Variants in ARHGEF28 observed in about 807,000 individuals in gnomAD.
The protein encoded by ARHGEF28 is 190 kDa guanine nucleotide exchange factor.
In ARHGEF28, 152 loss-of-function variants were observed where a neutral mutation model predicts 206.6. The observed-to-expected ratio is 0.74, with a 90% CI of 0.64 to 0.84. The LOEUF (loss-of-function observed/expected upper bound fraction) is 0.84. ARHGEF28 is among the 40% of genes least tolerant of loss of function. The pLI, the probability that ARHGEF28 is intolerant of heterozygous loss-of-function variation, is 0.00. For missense variants in ARHGEF28, 2,028 were observed against 2,073.2 expected (o/e 0.98, Z 0.42); for synonymous variants, 763 against 776.4 (o/e 0.98, Z 0.29).
chr5:73,821,570 T>C (rs1038982222), intron 9 of ARHGEF28, among the ~76,000 whole-genome samples: 7 of 152,192 alleles, frequency 4.6e-5, no homozygotes, highest in Middle Eastern at 3.2e-3. Flanking sequence ...ATGGGGCATC[T>C]TCCTCATTAG....
chr5:73,775,660 G>C (rs754798074), intron 5 of ARHGEF28, among the ~76,000 whole-genome samples: 7 of 152,196 alleles, frequency 4.6e-5, no homozygotes, highest in Non-Finnish European at 8.8e-5. Context: ...CTAGTTCTGT[G>C]AATTGAGGAA....
intron 1 of ARHGEF28, among the ~76,000 whole-genome samples, chr5:73,682,131 G>C (rs1264898686): frequency 2.6e-5 from 4 of 152,292 alleles, no homozygotes; most frequent in Middle Eastern, 3.4e-3. Context: ...ACCCATTTAA[G>C]TGGGTCCACA....
intron 7 of ARHGEF28, among the ~76,000 whole-genome samples, chr5:73,783,951 G>C (rs1754001773): frequency 6.6e-6 from 1 of 152,076 alleles, no homozygotes; most frequent in Non-Finnish European, 1.5e-5. Context: ...CTTGAATCTA[G>C]ACAATGCTTT....
chr5:73,939,805 G>A (rs528807473), intron 35 of ARHGEF28, among the ~76,000 whole-genome samples: 2 of 152,366 alleles, frequency 1.3e-5, no homozygotes, highest in South Asian at 4.1e-4. Flanking sequence ...GTCTGCACGT[G>A]TGTATATCCA....
At chr5:73,939,667 C>T (rs1221943925) in intron 35 of ARHGEF28, among the ~76,000 whole-genome samples, 1 of 152,184 alleles carries the variant, frequency 6.6e-6, no homozygotes, top group East Asian at 1.9e-4. Flanking sequence ...GCCACCATGT[C>T]CCCAAAGATG....
chr5:73,859,172 A>G (rs1053394396), intron 16 of ARHGEF28, among the ~76,000 whole-genome samples: 2 of 152,150 alleles, frequency 1.3e-5, no homozygotes, highest in African/African-American at 2.4e-5. Flanking sequence ...TGGGGGCTAG[A>G]TTTTTGTCTG....
chr5:73,683,409 A>G (rs750346), intron 1 of ARHGEF28, among the ~76,000 whole-genome samples: 30,053 of 151,840 alleles, frequency 0.2, 3,203 homozygotes, highest in Non-Finnish European at 0.24. Context: ...TCTCATGTCA[A>G]ACTCATGTTT....
intron 35 of ARHGEF28, among the ~76,000 whole-genome samples, chr5:73,938,688 G>A (rs959156876): frequency 2.0e-5 from 3 of 152,164 alleles, no homozygotes; most frequent in African/African-American, 4.8e-5. Flanking sequence ...TGTATTTAGA[G>A]GTGAAATAGC....
chr5:73,761,608 C>T (rs1040481091), intron 4 of ARHGEF28, among the ~76,000 whole-genome samples: 2 of 152,268 alleles, frequency 1.3e-5, no homozygotes, highest in Admixed American at 1.3e-4. Context: ...GGGGATGAAG[C>T]TGTATGGATA....
At chr5:73,775,950 C>T (rs762576092) in intron 5 of ARHGEF28, among the ~76,000 whole-genome samples, 1 of 105,386 alleles carries the variant, frequency 9.5e-6, no homozygotes, top group Non-Finnish European at 1.9e-5. Flanking sequence ...TTGGAAATGT[C>T]GTTCCTTTGT....
chr5:73,784,033 A>C (rs1218175375), intron 7 of ARHGEF28, among the ~76,000 whole-genome samples: 1 of 152,180 alleles, frequency 6.6e-6, no homozygotes, highest in Non-Finnish European at 1.5e-5. Context: ...ATTCAACTAA[A>C]GTGGAAACAT....
intron 8 of ARHGEF28, 23 bp downstream of exon 8, chr5:73,794,477 T>C (rs1258245765): frequency 6.4e-7 from 1 of 1,558,116 alleles, no homozygotes; most frequent in Non-Finnish European, 8.8e-7. Flanking sequence ...TCCCTGCTTC[T>C]TTCTTTGCAC....
intron 12 of ARHGEF28, 56 bp from the exon 13 acceptor site, chr5:73,848,918 AAT>A: frequency 1.6e-6 from 2 of 1,224,612 alleles, no homozygotes; most frequent in Non-Finnish European, 2.3e-6. Context: ...TGAGGTGGTG[AAT>A]ATATATTTTC....
intron 5 of ARHGEF28, among the ~76,000 whole-genome samples, chr5:73,775,364 A>G (rs1753483031): frequency 6.6e-6 from 1 of 152,200 alleles, no homozygotes; most frequent in Admixed American, 6.5e-5. Flanking sequence ...TTCTAAATTA[A>G]CAACAGTGAC....
intron 22 of ARHGEF28, among the ~76,000 whole-genome samples, chr5:73,878,809 G>A (rs1293315075): frequency 6.6e-6 from 1 of 151,028 alleles, no homozygotes; most frequent in East Asian, 1.9e-4. Context: ...TAGTCTGATG[G>A]GCTTCCCTTT....
chr5:73,749,073 A>C (rs1751892861), intron 2 of ARHGEF28, among the ~76,000 whole-genome samples: 1 of 152,176 alleles, frequency 6.6e-6, no homozygotes, highest in Non-Finnish European at 1.5e-5. Context: ...CTTGGGACCA[A>C]GGCACTTTGC....
intron 10 of ARHGEF28, among the ~76,000 whole-genome samples, chr5:73,838,667 A>G (rs181948611): frequency 6.6e-6 from 1 of 152,346 alleles, no homozygotes. Context: ...TAGTTAAATT[A>G]TGTCTATAAA....
chr5:73,672,359 C>A (rs1746404246), intron 1 of ARHGEF28, among the ~76,000 whole-genome samples: 1 of 152,196 alleles, frequency 6.6e-6, no homozygotes, highest in Admixed American at 6.5e-5. Flanking sequence ...CTCCGACTTT[C>A]CATTTACAGA....
chr5:73,827,049 C>G, intron 9 of ARHGEF28, among the ~76,000 whole-genome samples: 1 of 152,198 alleles, frequency 6.6e-6, no homozygotes, highest in Non-Finnish European at 1.5e-5. Flanking sequence ...GAAATGCTGT[C>G]TCTGATTGTC....
Sources: allele counts gnomAD v4.1 joint callset (sites outside exome capture counted in the v4.1 genomes callset), GRCh38; gene constraint gnomAD v4.1.1; transcripts MANE v1.5; gene names NCBI Gene and HGNC (gene_info 2026-07-23, HGNC 2026-07-21).